Variants in POLA1 observed in about 807,000 individuals in gnomAD.
POLA1 encodes the protein DNA polymerase alpha 1, catalytic subunit.
POLA1 carries 15 observed loss-of-function variants against 124.0 expected under a neutral mutation model. The observed-to-expected ratio is 0.12, with a 90% CI of 0.08 to 0.19. The LOEUF (loss-of-function observed/expected upper bound fraction) is 0.19. POLA1 is among the 10% of genes least tolerant of loss of function. POLA1 has a pLI of 1.00. For missense variants in POLA1, 886 were observed against 1,103.4 expected (o/e 0.80, Z 2.79); for synonymous variants, 408 against 389.4 (o/e 1.05, Z -0.56).
At chrX:24,810,604 GTC>G (rs2045882658) in intron 27 of POLA1, 102 bp from the exon 28 acceptor site, 1 of 400,385 alleles carries the variant, frequency 2.5e-6, no homozygotes, top group Non-Finnish European at 4.4e-6. Context: ...CTTTTGAAAA[GTC>G]TGTGGAGCCT....
At chrX:24,812,352 A>G (rs1056451278) in intron 28 of POLA1, among the ~76,000 whole-genome samples, 1 of 112,305 alleles carries the variant, frequency 8.9e-6, no homozygotes, top group African/African-American at 3.2e-5. Flanking sequence ...TACATTCAAC[A>G]AGGACTGTTT....
intron 34 of POLA1, among the ~76,000 whole-genome samples, chrX:24,886,858 G>C (rs1169358494): frequency 8.9e-6 from 1 of 111,928 alleles, no homozygotes; most frequent in East Asian, 2.8e-4. Flanking sequence ...TTCTGTGTAA[G>C]TTGTCTTTTC....
At position 24,743,228 on chromosome X, in the gene POLA1, AG is replaced by A; in HGVS notation, c.2468del. On this transcript the variant is annotated splice_acceptor_variant, in intron 22 of 36. Transcript: ENST00000379068. LOFTEE classifies it high-confidence loss of function. ...TGAAGTTATCTTTCCATTTGATATTAGGGAGATGAAGATGAAGAAATTGATG... is the reference window on the plus strand; with the variant it reads ...TGAAGTTATCTTTCCATTTGATATTAGGAGATGAAGATGAAGAAATTGATG... 1 of 967,273 alleles carries A rather than the reference AG, an allele frequency of 1.0e-6. No individual in the cohort carries two copies. The highest frequency in any genetic ancestry group is 1.5e-6 in the Non-Finnish European group (1 of 682,433). 79.7% of individuals were successfully genotyped at this position (967,273 alleles called of 1,213,427 possible). A position where few individuals can be genotyped will look rare whatever the true frequency, so the allele number is the denominator to read the frequency against.
chrX:24,808,092 G>C (rs779693322), intron 26 of POLA1, among the ~76,000 whole-genome samples: 6 of 112,080 alleles, frequency 5.4e-5, no homozygotes, highest in Admixed American at 9.4e-5. Flanking sequence ...ATGATATTCA[G>C]GGTGAGTTGA....
chrX:24,746,592 G>GT (rs1278758093), intron 24 of POLA1, among the ~76,000 whole-genome samples: 3 of 112,098 alleles, frequency 2.7e-5, no homozygotes, highest in African/African-American at 9.7e-5. Context: ...TGTCACACAG[G>GT]TAGTAGTTGT....
intron 30 of POLA1, among the ~76,000 whole-genome samples, chrX:24,819,031 C>G (rs111711627): frequency 6.3e-5 from 7 of 111,915 alleles, no homozygotes; most frequent in Non-Finnish European, 1.3e-4. Flanking sequence ...GTATTTTCTT[C>G]GTAATGTGGA....
At chrX:24,874,687 G>C (rs558120718) in intron 34 of POLA1, among the ~76,000 whole-genome samples, 3 of 111,428 alleles carry the variant, frequency 2.7e-5, no homozygotes, top group African/African-American at 9.8e-5. Flanking sequence ...AGCTCATTTC[G>C]TATCCCAGGC....
At chrX:24,892,775 T>C (rs1405840703) in intron 35 of POLA1, among the ~76,000 whole-genome samples, 1 of 112,202 alleles carries the variant, frequency 8.9e-6, no homozygotes. Flanking sequence ...GTCGAAACTG[T>C]ATAGTCCCTG....
intron 35 of POLA1, among the ~76,000 whole-genome samples, chrX:24,915,987 G>A (rs2047524243): frequency 8.9e-6 from 1 of 112,251 alleles, no homozygotes; most frequent in Admixed American, 9.4e-5. Context: ...AGCTCAGATT[G>A]AGGCACTTCT....
chrX:24,981,025 G>C lies in POLA1; in HGVS notation c.4262-14780G>C, dbSNP rs758208208. Among the ~76,000 whole-genome samples the C allele has an allele frequency of 1.2e-3, 130 of 111,934 alleles. 2 individuals are homozygous for C. Among genetic ancestry groups the C allele is most frequent in the African/African-American group, 4.1e-3 (127 of 30,814 alleles). On this transcript the variant is annotated intron_variant, in intron 36 of 36. Coordinates refer to ENST00000379068, the MANE Select transcript of POLA1 (RefSeq NM_001330360.2). The stretch of plus-strand genomic sequence containing the variant: ...CATCCTGTATCTTACTGTTACCAGG[G>C]TCTTGCCCTGCCCCACGTAGGTGCT...
At chrX:24,793,765 A>G (rs988395987) in intron 26 of POLA1, among the ~76,000 whole-genome samples, 17 of 108,541 alleles carry the variant, frequency 1.6e-4, no homozygotes, top group Admixed American at 1.5e-3. Flanking sequence ...TTGTATTTTT[A>G]GTAGAGATGG....
chrX:24,903,391 T>G (rs1353884442), intron 35 of POLA1, among the ~76,000 whole-genome samples: 1 of 112,538 alleles, frequency 8.9e-6, no homozygotes, highest in East Asian at 2.8e-4. Flanking sequence ...AAAGACTGAT[T>G]GGAACATCTG....
intron 34 of POLA1, among the ~76,000 whole-genome samples, chrX:24,867,087 ATTTTT>A (rs35709929): frequency 9.2e-6 from 1 of 109,092 alleles, no homozygotes; most frequent in Non-Finnish European, 1.9e-5. Context: ...ATAAAACTTG[ATTTTT>A]TTTTAATTTG....
At position 24,726,920 on chromosome X, in the gene POLA1, T is replaced by C. The variant is rs1266491721; in HGVS notation, c.1393-13T>C. On this transcript the variant is annotated splice_polypyrimidine_tract_variant and intron_variant, in intron 13 of 36. Coordinates refer to ENST00000379068, the MANE Select transcript of POLA1 (RefSeq NM_001330360.2). ...TTTAAACAAAAAGATTCTTTTTTTT[T>C]TTCCTTTTTCAGGCTGAAATGCCAC... 1 of 1,158,151 alleles carries C rather than the reference T, an allele frequency of 8.6e-7. No homozygotes were observed. Among genetic ancestry groups the C allele is most frequent in the Admixed American group, 2.8e-5 (1 of 35,435 alleles).
intron 26 of POLA1, among the ~76,000 whole-genome samples, chrX:24,786,010 T>C (rs1013781086): frequency 6.2e-5 from 7 of 112,688 alleles, no homozygotes; most frequent in African/African-American, 2.3e-4. Context: ...TCCAGGTTCA[T>C]CCATGTTGTT....
At position 24,784,455 on chromosome X, in the gene POLA1, G is replaced by A. The variant is rs375113772; in HGVS notation, c.2965-25443G>A. Among the ~76,000 whole-genome samples, 7 of 110,368 alleles carry A rather than the reference G, an allele frequency of 6.3e-5. No individual in the cohort carries two copies. The East Asian group carries it at 1.4e-3, about 23-fold the overall frequency. ...ATACATAAAACTTGGAGGCTGAGGC[G>A]GGCCGATCACCTGAGGTCAGAAGTT... On this transcript the variant is annotated intron_variant, in intron 26 of 36. Coordinates refer to ENST00000379068, the MANE Select transcript of POLA1 (RefSeq NM_001330360.2).
chrX:24,869,498 G>A (rs928009995), intron 34 of POLA1, among the ~76,000 whole-genome samples: 32 of 112,324 alleles, frequency 2.8e-4, no homozygotes, highest in African/African-American at 8.1e-4. Context: ...GGAGGGCACA[G>A]TGAAGGAAGG....
At chrX:24,699,238 G>C (rs1295616942) in intron 1 of POLA1, among the ~76,000 whole-genome samples, 187 bp from the exon 2 acceptor site, 1 of 111,889 alleles carries the variant, frequency 8.9e-6, no homozygotes, top group South Asian at 3.7e-4. Context: ...ACTTTCTGGC[G>C]AGTCATGTAT....
intron 34 of POLA1, among the ~76,000 whole-genome samples, chrX:24,878,408 G>A (rs2046962357): frequency 9.0e-6 from 1 of 111,547 alleles, no homozygotes; most frequent in South Asian, 3.8e-4. Context: ...TTTTAAGCAT[G>A]CATGCCATTC....
Sources: gnomAD v4.1 joint callset for allele counts (sites outside exome capture counted in the v4.1 genomes callset) on GRCh38, gnomAD v4.1.1 for gene constraint, MANE v1.5 for transcripts, NCBI Gene and HGNC (gene_info 2026-07-23, HGNC 2026-07-21) for gene names.